CYB5RL: variants seen among roughly 807,000 people sequenced by gnomAD.
CYB5RL encodes the protein NADH-cytochrome b5 reductase-like.
CYB5RL carries 38 observed loss-of-function variants against 37.5 expected under a neutral mutation model. The observed-to-expected ratio is 1.01, with a 90% CI of 0.78 to 1.33. The LOEUF (loss-of-function observed/expected upper bound fraction) is 1.33. Among genes scored for constraint, CYB5RL ranks in the 40% most tolerant of loss-of-function variants. CYB5RL has a pLI of 0.00. For synonymous variants in CYB5RL, 141 were observed against 151.9 expected (o/e 0.93, Z 0.53); for missense variants, 388 against 394.4 (o/e 0.98, Z 0.14).
At chr1:54,186,443 A>T (rs558311979) in intron 5 of CYB5RL, among the ~76,000 whole-genome samples, 15 of 152,190 alleles carry the variant, frequency 9.9e-5, no homozygotes, top group Non-Finnish European at 2.1e-4. Context: ...TCAAACGATA[A>T]GCCCTGCCTG....
At chr1:54,190,684 C>T in intron 4 of CYB5RL, 64 bp downstream of exon 4, 3 of 1,546,684 alleles carry the variant, frequency 1.9e-6, no homozygotes, top group South Asian at 1.2e-5. Context: ...TTGGTCAAGG[C>T]CAGCAGCTAG....
chr1:54,183,096 C>T (rs1013326884), intron 6 of CYB5RL, among the ~76,000 whole-genome samples: 1 of 152,158 alleles, frequency 6.6e-6, no homozygotes, highest in Non-Finnish European at 1.5e-5. Flanking sequence ...ATTTCCCAAC[C>T]TCCTGTATAT....
At chr1:54,187,828 C>T (rs1643916422) in intron 4 of CYB5RL, 89 bp from the exon 5 acceptor site, 1 of 1,177,414 alleles carries the variant, frequency 8.5e-7, no homozygotes, top group Middle Eastern at 2.0e-4. Flanking sequence ...GTAATCCCCA[C>T]ACTTTGGGAG....
rs1405863469 is a variant in CYB5RL at position 54,196,434 on chromosome 1, T to G, written c.-165A>C. On this transcript the variant is annotated 5_prime_UTR_variant, in exon 2 of 8. Transcript: ENST00000534324. ...CTCGAACTCCTGGCCTCAAGTGATCTTCTCATCTCAGTCTCCCAAAGTGCT... is the reference window on the plus strand; with the variant it reads ...CTCGAACTCCTGGCCTCAAGTGATCGTCTCATCTCAGTCTCCCAAAGTGCT... 6.6e-6 allele frequency: 1 copy of G among 152,158 alleles called. No individual in the cohort carries two copies. The highest frequency in any genetic ancestry group is 2.4e-5 in the African/African-American group (1 of 41,434). 9.4% of individuals were successfully genotyped at this position (152,158 alleles called of 1,614,324 possible). A position where few individuals can be genotyped will look rare whatever the true frequency, so the allele number is the denominator to read the frequency against.
At chr1:54,198,335 CTTTT>C (rs577709879) in intron 1 of CYB5RL, among the ~76,000 whole-genome samples, 1 of 143,186 alleles carries the variant, frequency 7.0e-6, no homozygotes, top group Admixed American at 7.0e-5. Flanking sequence ...TTCTTTCTTT[CTTTT>C]TTTTTTTTTT....
intron 6 of CYB5RL, among the ~76,000 whole-genome samples, chr1:54,183,288 T>G (rs774921630): frequency 3.3e-5 from 5 of 152,204 alleles, no homozygotes; most frequent in Admixed American, 1.3e-4. Context: ...TAAATAAAGA[T>G]GCAATGAACA....
intron 3 of CYB5RL, among the ~76,000 whole-genome samples, chr1:54,192,911 C>G (rs1333696186): frequency 6.6e-6 from 1 of 152,090 alleles, no homozygotes; most frequent in Admixed American, 6.5e-5. Context: ...CGTGCCACCA[C>G]GTCTGGCTAA....
intron 7 of CYB5RL, 103 bp downstream of exon 7, chr1:54,179,046 C>G (rs1016737336): frequency 1.5e-6 from 2 of 1,358,262 alleles, no homozygotes; most frequent in East Asian, 5.0e-5. Flanking sequence ...GGGATTATGA[C>G]CACAGCATCC....
At chr1:54,188,923 G>A (rs754211780) in intron 4 of CYB5RL, among the ~76,000 whole-genome samples, 2 of 152,220 alleles carry the variant, frequency 1.3e-5, no homozygotes, top group African/African-American at 2.4e-5. Context: ...GGTGGCTCAC[G>A]TCTATAATCC....
Position 54,179,268 on chromosome 1 carries a change from C to T in CYB5RL, c.625G>A (p.Asp209Asn). ...ILQSITDNEN[D>N]ETFVTLVGCF... ...CCGACCAGAGTGACAAAAGTCTCGT[C>T]ATTCTCATTGTCTGTGATGCTCTGC... is the stretch of plus-strand genomic sequence containing the variant. The change falls in exon 7 of 8, where the codon GAC becomes AAC. Residue 209 changes from aspartate to asparagine, a missense_variant. Coordinates refer to ENST00000534324, the MANE Select transcript of CYB5RL (RefSeq NM_001031672.4). 1 of 1,613,902 alleles carries T rather than the reference C, an allele frequency of 6.2e-7. No individual in the cohort carries two copies. Among genetic ancestry groups the T allele is most frequent in the African/African-American group, 1.3e-5 (1 of 75,062 alleles).
At position 54,170,129 on chromosome 1, in the gene CYB5RL, G is replaced by A. The variant is rs1045180210; in HGVS notation, c.*4490C>T. On this transcript the variant is annotated 3_prime_UTR_variant, in exon 8 of 8. Coordinates refer to ENST00000534324, the MANE Select transcript of CYB5RL (RefSeq NM_001031672.4). ...AAAATCTTTTTTTGGGGGGCACTGA[G>A]TCTCGCTCTGTCACCCAGGCTGGAG... 2.6e-5 allele frequency: 4 copies of A among 152,208 alleles called. No individual in the cohort carries two copies. The highest frequency in any genetic ancestry group is 5.9e-5 in the Non-Finnish European group (4 of 68,036). The allele number at this position is 152,208 out of a possible 1,614,324, so 9.4% of individuals were successfully genotyped here.
intron 7 of CYB5RL, among the ~76,000 whole-genome samples, 179 bp from the exon 8 acceptor site, chr1:54,175,001 A>G (rs1172929800): frequency 6.6e-6 from 1 of 152,096 alleles, no homozygotes; most frequent in Non-Finnish European, 1.5e-5. Context: ...AGCCTGTGAG[A>G]ACTATCACCC....
chr1:54,184,093 C>T (rs373580796), intron 6 of CYB5RL, 68 bp downstream of exon 6: 1 of 1,395,680 alleles, frequency 7.2e-7, no homozygotes, highest in African/African-American at 1.4e-5. Context: ...CAGTGAGATG[C>T]TATGGGCCGA....
chr1:54,181,190 G>A (rs1002592151), intron 6 of CYB5RL, among the ~76,000 whole-genome samples: 4 of 152,108 alleles, frequency 2.6e-5, no homozygotes, highest in Admixed American at 2.0e-4. Context: ...ATCCTAGCTC[G>A]GGCTATCCTT....
At chr1:54,180,516 A>C (rs1660133546) in intron 6 of CYB5RL, among the ~76,000 whole-genome samples, 1 of 151,720 alleles carries the variant, frequency 6.6e-6, no homozygotes, top group South Asian at 2.1e-4. Context: ...AGGCAGGAGA[A>C]TGGCGTGATC....
chr1:54,183,975 C>CTAAA (rs199724788), intron 6 of CYB5RL, 186 bp downstream of exon 6: 14,599 of 355,386 alleles, frequency 0.041, 442 homozygotes, highest in African/African-American at 0.05. Flanking sequence ...AACTCCGTCT[C>CTAAA]TAAATAAATA....
chr1:54,180,913 G>T (rs1293311860), intron 6 of CYB5RL, among the ~76,000 whole-genome samples: 1 of 152,166 alleles, frequency 6.6e-6, no homozygotes, highest in Non-Finnish European at 1.5e-5. Flanking sequence ...AGCTACTCAA[G>T]ACTGAGACAG....
rs1292324514 is a variant in CYB5RL at position 54,174,415 on chromosome 1, ATAG to A, written c.*201_*203del. ...CCCCTACAGCCCATCCTCCTTCTAC[ATAG>A]TAGGAGGCCAGGAGGAGTGATTAAC... On this transcript the variant is annotated 3_prime_UTR_variant, in exon 8 of 8. Transcript: ENST00000534324. The A allele has an allele frequency of 3.3e-6, 2 of 605,302 alleles. No individual in the cohort carries two copies. Among genetic ancestry groups the A allele is most frequent in the African/African-American group, 3.7e-5 (2 of 53,888 alleles). The allele number at this position is 605,302 out of a possible 1,614,324, so 37.5% of individuals were successfully genotyped here. A position where few individuals can be genotyped will look rare whatever the true frequency, so the allele number is the denominator to read the frequency against.
rs1659901128 is a variant in CYB5RL at position 54,171,883 on chromosome 1, C to CAA, written c.*2734_*2735dup. On this transcript the variant is annotated 3_prime_UTR_variant, in exon 8 of 8. Transcript: ENST00000534324. ...GGCACAGCACCCGACCCTGCACTCTCAAGTTTCCAGGCGACAGGAGCCCTT... is the reference window on the plus strand; with the variant it reads ...GGCACAGCACCCGACCCTGCACTCTCAAAAGTTTCCAGGCGACAGGAGCCCTT... 1 of 177,436 alleles carries CAA rather than the reference C, an allele frequency of 5.6e-6. No individual in the cohort carries two copies. Among genetic ancestry groups the CAA allele is most frequent in the South Asian group, 1.3e-4 (1 of 7,594 alleles). 11.0% of individuals were successfully genotyped at this position (177,436 alleles called of 1,614,324 possible).
Sources: gnomAD v4.1 joint callset for allele counts (sites outside exome capture counted in the v4.1 genomes callset) on GRCh38, gnomAD v4.1.1 for gene constraint, MANE v1.5 for transcripts, NCBI Gene and HGNC (gene_info 2026-07-23, HGNC 2026-07-21) for gene names.